KAZN: variants seen among roughly 807,000 people sequenced by gnomAD.
The protein encoded by KAZN is kazrin.
A neutral mutation model predicts 87.4 loss-of-function variants in KAZN; 40 were observed. That is an observed-to-expected ratio of 0.46 (90% CI 0.36 to 0.60). The LOEUF (loss-of-function observed/expected upper bound fraction) is 0.60. Among genes scored for constraint, KAZN ranks in the 20% least tolerant of loss-of-function variants. The pLI, the probability that KAZN is intolerant of heterozygous loss-of-function variation, is 0.00. For synonymous variants in KAZN, 466 were observed against 458.3 expected, an observed-to-expected ratio of 1.02 and a Z score of -0.22; for missense variants, 898 against 1,073.9, an observed-to-expected ratio of 0.84 and a Z score of 2.29.
intron 3 of KAZN, among the ~76,000 whole-genome samples, chr1:15,041,341 T>TC (rs1553178781): frequency 2.0e-5 from 3 of 146,586 alleles, no homozygotes; most frequent in African/African-American, 7.6e-5. Flanking sequence ...CTTTTTTTTT[T>TC]TTTTTGTTTT....
chr1:13,920,310 T>C (rs1003972294), intron 1 of KAZN, among the ~76,000 whole-genome samples: 1 of 151,360 alleles, frequency 6.6e-6, no homozygotes, highest in African/African-American at 2.4e-5. Context: ...TTGCCATGAA[T>C]CAAGTGTCCA....
chr1:13,903,384 C>A (rs1276046283), intron 1 of KAZN, among the ~76,000 whole-genome samples: 2 of 152,130 alleles, frequency 1.3e-5, no homozygotes, highest in Non-Finnish European at 1.5e-5. Context: ...TTTTGTCGGC[C>A]CTTTATATCA....
chr1:14,465,067 C>T (rs1668045178), intron 2 of KAZN, among the ~76,000 whole-genome samples: 1 of 152,122 alleles, frequency 6.6e-6, no homozygotes, highest in Non-Finnish European at 1.5e-5. Context: ...TCATTTGCTG[C>T]TATTTAGCTG....
At chr1:14,896,766 G>C (rs960225487) in intron 1 of KAZN, among the ~76,000 whole-genome samples, 2 of 152,136 alleles carry the variant, frequency 1.3e-5, no homozygotes, top group Admixed American at 6.6e-5. Context: ...AGTTTCTTGT[G>C]ATCTGTTGTG....
intron 2 of KAZN, among the ~76,000 whole-genome samples, chr1:14,998,329 A>G (rs572219152): frequency 2.8e-4 from 43 of 152,174 alleles, no homozygotes; most frequent in Middle Eastern, 3.4e-3. Flanking sequence ...CAACTCAAAT[A>G]TAGGTAAGGA....
chr1:14,079,332 C>A (rs1044765111), intron 1 of KAZN, among the ~76,000 whole-genome samples: 2 of 152,204 alleles, frequency 1.3e-5, no homozygotes, highest in African/African-American at 4.8e-5. Context: ...GAGGCTGAAG[C>A]AAATCTGACT....
At chr1:15,108,082 GA>G (rs1641357975) in intron 13 of KAZN, among the ~76,000 whole-genome samples, 1 of 152,196 alleles carries the variant, frequency 6.6e-6, no homozygotes, top group African/African-American at 2.4e-5. Context: ...TTTCAATGGA[GA>G]AGAACAATTC....
chr1:14,690,743 G>C (rs1641242201), intron 1 of KAZN, among the ~76,000 whole-genome samples: 1 of 152,114 alleles, frequency 6.6e-6, no homozygotes, highest in Non-Finnish European at 1.5e-5. Context: ...GCCTTAGATA[G>C]ACCTCTAATA....
intron 1 of KAZN, among the ~76,000 whole-genome samples, chr1:14,852,149 C>A (rs1033927870): frequency 6.6e-6 from 1 of 152,188 alleles, no homozygotes; most frequent in African/African-American, 2.4e-5. Flanking sequence ...TCCTTCTCTG[C>A]GTCCCTATCT....
At chr1:14,230,909 G>A (rs1370372309) in intron 2 of KAZN, among the ~76,000 whole-genome samples, 4 of 152,276 alleles carry the variant, frequency 2.6e-5, no homozygotes, top group Admixed American at 1.3e-4. Context: ...AAGGTCTCCC[G>A]TGGGCACCAT....
At chr1:14,185,532 C>A (rs1646285432) in intron 2 of KAZN, among the ~76,000 whole-genome samples, 1 of 152,204 alleles carries the variant, frequency 6.6e-6, no homozygotes, top group Non-Finnish European at 1.5e-5. Flanking sequence ...TGCTTATTTT[C>A]CATTCTTAGT....
intron 2 of KAZN, among the ~76,000 whole-genome samples, chr1:14,227,028 C>T (rs1394234246): frequency 6.6e-6 from 1 of 152,154 alleles, no homozygotes; most frequent in African/African-American, 2.4e-5. Flanking sequence ...CAAACCTGCA[C>T]ATTTACCCCT....
At chr1:14,992,443 G>A (rs1667446492) in intron 2 of KAZN, among the ~76,000 whole-genome samples, 1 of 152,166 alleles carries the variant, frequency 6.6e-6, no homozygotes, top group Non-Finnish European at 1.5e-5. Flanking sequence ...ACCAGTCCTG[G>A]CCATTATTCG....
At chr1:14,210,344 C>A (rs1013154544) in intron 2 of KAZN, among the ~76,000 whole-genome samples, 9 of 152,178 alleles carry the variant, frequency 5.9e-5, no homozygotes, top group Admixed American at 2.0e-4. Context: ...GCTTCCCCAG[C>A]CATGTGGAAC....
intron 3 of KAZN, among the ~76,000 whole-genome samples, chr1:15,036,114 A>G (rs566500889): frequency 6.6e-6 from 1 of 151,988 alleles, no homozygotes; most frequent in East Asian, 1.9e-4. Flanking sequence ...GAGCCTCGAG[A>G]GTTCTCTGGG....
intron 1 of KAZN, chr1:14,924,258 G>C: frequency 1.0e-6 from 1 of 982,086 alleles, no homozygotes; most frequent in Non-Finnish European, 1.2e-6. Context: ...GGCGGGGGCG[G>C]GCTCGGCTGC....
At chr1:14,405,344 T>C (rs773622350) in intron 2 of KAZN, among the ~76,000 whole-genome samples, 6 of 152,186 alleles carry the variant, frequency 3.9e-5, no homozygotes, top group Non-Finnish European at 5.9e-5. Flanking sequence ...TTACAAAGCA[T>C]TGAAACCAAG....
At chr1:14,573,504 G>A (rs968946108) in intron 2 of KAZN, among the ~76,000 whole-genome samples, 7 of 152,142 alleles carry the variant, frequency 4.6e-5, no homozygotes, top group East Asian at 1.9e-4. Context: ...AAAATTAGCC[G>A]GGGATGGTGG....
At chr1:14,431,178 G>A (rs1666047775) in intron 2 of KAZN, among the ~76,000 whole-genome samples, 1 of 152,202 alleles carries the variant, frequency 6.6e-6, no homozygotes, top group Admixed American at 6.5e-5. Flanking sequence ...ATAATATTAT[G>A]AGTGGGGTAA....
Sources: allele counts gnomAD v4.1 joint callset (sites outside exome capture counted in the v4.1 genomes callset), GRCh38; gene constraint gnomAD v4.1.1; transcripts MANE v1.5; gene names NCBI Gene and HGNC (gene_info 2026-07-23, HGNC 2026-07-21).